The following FNDC7 variants were observed in gnomAD, a reference collection of about 807,000 sequenced individuals.
The protein encoded by FNDC7 is fibronectin type III domain-containing protein 7.
A neutral mutation model predicts 74.2 loss-of-function variants in FNDC7; 66 were observed. The observed-to-expected ratio is 0.89, with a 90% CI of 0.73 to 1.09. FNDC7 has a LOEUF of 1.09. Ranked by LOEUF, FNDC7 falls within the 50% of genes least tolerant of loss-of-function variation. FNDC7 has a pLI of 0.00. For synonymous variants in FNDC7, 307 were observed against 330.2 expected, an observed-to-expected ratio of 0.93 and a Z score of 0.76; for missense variants, 829 against 893.4, an observed-to-expected ratio of 0.93 and a Z score of 0.92.
At chr1:108,732,711 T>A (rs1661418379) in intron 9 of FNDC7, among the ~76,000 whole-genome samples, 1 of 151,994 alleles carries the variant, frequency 6.6e-6, no homozygotes, top group Admixed American at 6.6e-5. Context: ...TCTTTCTTTC[T>A]TTCCCTCCCT....
intron 11 of FNDC7, 87 bp downstream of exon 11, chr1:108,737,611 G>C (rs1352524527): frequency 4.8e-6 from 5 of 1,037,756 alleles, no homozygotes; most frequent in Non-Finnish European, 5.7e-6. Context: ...TTTTCAATTA[G>C]AAAGCAAATG....
Position 108,727,842 on chromosome 1 carries a change from G to GGTGTCCA in FNDC7, c.1150_1156dup (p.Asp386ValfsTer3). 6.2e-7 allele frequency: 1 copy of GGTGTCCA among 1,614,144 alleles called. No individual in the cohort carries two copies. Among genetic ancestry groups the GGTGTCCA allele is most frequent in the Non-Finnish European group, 8.5e-7 (1 of 1,180,040 alleles). On this transcript the variant is annotated frameshift_variant, in exon 7 of 13. Transcript: ENST00000370017. LOFTEE classifies it high-confidence loss of function. ...GTCCTAGTGACATTAACCCCGTGTTGGTGTCCAGTGACAGAGTTGAGATTG... is the reference window on the plus strand; with the variant it reads ...GTCCTAGTGACATTAACCCCGTGTTGGTGTCCAGTGTCCAGTGACAGAGTTGAGATTG...
intron 5 of FNDC7, among the ~76,000 whole-genome samples, chr1:108,723,175 C>G (rs576288064): frequency 6.6e-6 from 1 of 152,220 alleles, no homozygotes; most frequent in South Asian, 2.1e-4. Context: ...ATGTCTCTGG[C>G]ACTATAAGTA....
At chr1:108,734,215 A>G (rs1661458435) in intron 10 of FNDC7, 1 of 152,208 alleles carries the variant, frequency 6.6e-6, no homozygotes, top group South Asian at 2.1e-4. Flanking sequence ...GGAAACTTGA[A>G]CTTTTATTTG....
chr1:108,717,404 A>G (rs1660997080), intron 2 of FNDC7, among the ~76,000 whole-genome samples: 1 of 152,046 alleles, frequency 6.6e-6, no homozygotes, highest in Non-Finnish European at 1.5e-5. Flanking sequence ...AAGTCACAGA[A>G]TGCCCAATTG....
At chr1:108,729,808 T>C (rs1661302991) in intron 8 of FNDC7, among the ~76,000 whole-genome samples, 1 of 152,154 alleles carries the variant, frequency 6.6e-6, no homozygotes, top group Non-Finnish European at 1.5e-5. Context: ...CTTTGGACTA[T>C]AAAAGTTGAA....
chr1:108,738,870 G>A (rs1661577553), intron 11 of FNDC7, among the ~76,000 whole-genome samples: 1 of 152,058 alleles, frequency 6.6e-6, no homozygotes, highest in South Asian at 2.1e-4. Context: ...GAACAGACTT[G>A]GCTTACTGAA....
intron 3 of FNDC7, 27 bp downstream of exon 3, chr1:108,718,058 T>C (rs1206208306): frequency 1.3e-6 from 2 of 1,547,942 alleles, no homozygotes; most frequent in Non-Finnish European, 1.7e-6. Flanking sequence ...TCATCCTCCG[T>C]TGAGTGTTTG....
intron 10 of FNDC7, among the ~76,000 whole-genome samples, chr1:108,736,733 A>G (rs1661523464): frequency 6.6e-6 from 1 of 152,300 alleles, no homozygotes; most frequent in South Asian, 2.1e-4. Context: ...TCTAGACTCA[A>G]GTTAGGAAAT....
intron 2 of FNDC7, among the ~76,000 whole-genome samples, chr1:108,716,646 T>C (rs1014846652): frequency 2.0e-5 from 3 of 152,142 alleles, no homozygotes; most frequent in African/African-American, 7.2e-5. Context: ...GCTAACTCTC[T>C]GGGCTATTGG....
chr1:108,730,182 T>G (rs1233788452), intron 8 of FNDC7, among the ~76,000 whole-genome samples: 3 of 151,944 alleles, frequency 2.0e-5, no homozygotes, highest in Admixed American at 6.6e-5. Flanking sequence ...ATTGAGACCA[T>G]CCTGGCCAAC....
At chr1:108,728,986 G>A in intron 8 of FNDC7, 100 bp downstream of exon 8, 1 of 1,412,992 alleles carries the variant, frequency 7.1e-7, no homozygotes, top group Non-Finnish European at 9.6e-7. Flanking sequence ...CAGTGCAACA[G>A]AAATACATTA....
In FNDC7 at chr1:108,728,711, T is replaced by G. The variant is rs1189822310; in HGVS notation, c.1449T>G (p.Asp483Glu). ...MINVHWRSTN[D>E]DATYTVTAQG... ...ATGTGCACTGGCGATCCACTAATGATGATGCTACTTACACGGTGACTGCCC... is the reference window on the plus strand; with the variant it reads ...ATGTGCACTGGCGATCCACTAATGAGGATGCTACTTACACGGTGACTGCCC... The change falls in exon 8 of 13, where the codon GAT (aspartate) becomes GAG (glutamate). Residue 483 changes from aspartate (D) to glutamate (E), a missense_variant. Physicochemically the swap from Asp to Glu is conservative, Grantham distance 45. Coordinates refer to ENST00000370017, the MANE Select transcript of FNDC7 (RefSeq NM_001144937.3). 6.2e-7 allele frequency: 1 copy of G among 1,614,144 alleles called. No homozygotes were observed. The highest frequency in any genetic ancestry group is 8.5e-7 in the Non-Finnish European group (1 of 1,180,052).
At chr1:108,736,963 C>CTTTTTTTTTTTTT (rs1173562405) in intron 10 of FNDC7, among the ~76,000 whole-genome samples, 2 of 99,408 alleles carry the variant, frequency 2.0e-5, no homozygotes, top group Non-Finnish European at 3.8e-5. Context: ...GCTTGGCATT[C>CTTTTTTTTTTTTT]TTTTTTTTTT....
At chr1:108,714,659 C>T (rs1000854563) in intron 2 of FNDC7, among the ~76,000 whole-genome samples, 12 of 125,252 alleles carry the variant, frequency 9.6e-5, no homozygotes, top group African/African-American at 3.6e-4. Flanking sequence ...GGCTGGAGTG[C>T]AGTGGTGCAA....
intron 10 of FNDC7, 60 bp from the exon 11 acceptor site, chr1:108,737,435 C>T: frequency 7.2e-7 from 1 of 1,397,942 alleles, no homozygotes; most frequent in Non-Finnish European, 9.8e-7. Context: ...GTTAAATCTT[C>T]ACTATCTTAA....
chr1:108,725,726 T>G, intron 5 of FNDC7, 24 bp from the exon 6 acceptor site: 1 of 1,604,232 alleles, frequency 6.2e-7, no homozygotes. Context: ...AGTAGTCTCA[T>G]GTTTATTATT....
chr1:108,727,933 G>C lies in FNDC7; in HGVS notation c.1237G>C (p.Glu413Gln), dbSNP rs1661253877. 8.1e-6 allele frequency: 13 copies of C among 1,614,092 alleles called. 1 individual carries two copies. The South Asian group carries it at 1.1e-4, about 14-fold the overall frequency. Residue 413 changes from glutamate (E) to glutamine (Q), a missense_variant, in exon 7 of 13, where the codon GAG becomes CAG. By Grantham distance (29) the Glu-to-Gln change is conservative. Coordinates refer to ENST00000370017, the MANE Select transcript of FNDC7 (RefSeq NM_001144937.3). ...GGCTGTAGATGGGTACAACATGGTT[G>C]AGTGCAATGACACTACTCCTGCGTG... Reference protein sequence around the residue: ...TKAVDGYNMVECNDTTPACTL... With the variant: ...TKAVDGYNMVQCNDTTPACTL...
chr1:108,736,752 G>A (rs774978910), intron 10 of FNDC7, among the ~76,000 whole-genome samples: 5 of 152,090 alleles, frequency 3.3e-5, no homozygotes, highest in Non-Finnish European at 7.4e-5. Context: ...ATCCTCCTTT[G>A]CTCAGTGTCC....
Sources: allele counts gnomAD v4.1 joint callset (sites outside exome capture counted in the v4.1 genomes callset), GRCh38; gene constraint gnomAD v4.1.1; transcripts MANE v1.5; gene names NCBI Gene and HGNC (gene_info 2026-07-23, HGNC 2026-07-21).